The following PARP4 variants were observed in gnomAD, a reference collection of about 807,000 sequenced individuals.
PARP4 encodes the protein protein mono-ADP-ribosyltransferase PARP4.
In PARP4, 120 loss-of-function variants were observed where a neutral mutation model predicts 187.7. The observed-to-expected ratio is 0.64, with a 90% CI of 0.55 to 0.74. The LOEUF is 0.74. Ranked by LOEUF, PARP4 falls within the 30% of genes least tolerant of loss-of-function variation. The pLI, the probability that PARP4 is intolerant of heterozygous loss-of-function variation, is 0.00. For missense variants in PARP4, 1,836 were observed against 2,070.5 expected (o/e 0.89, Z 2.20); for synonymous variants, 654 against 740.9 (o/e 0.88, Z 1.90).
At chr13:24,468,242 C>G (rs929906469) in intron 17 of PARP4, among the ~76,000 whole-genome samples, 5 of 152,156 alleles carry the variant, frequency 3.3e-5, no homozygotes, top group Non-Finnish European at 7.3e-5. Flanking sequence ...CAGCTATTCC[C>G]TCTTCCACAC....
intron 10 of PARP4, among the ~76,000 whole-genome samples, chr13:24,488,192 C>T (rs9581072): frequency 0.016 from 2,482 of 152,154 alleles, 49 homozygotes; most frequent in African/African-American, 0.051. Flanking sequence ...CGGGGCTTGA[C>T]GTGGCTCTTC....
At chr13:24,439,863 G>C (rs552875064) in intron 30 of PARP4, among the ~76,000 whole-genome samples, 108 of 152,134 alleles carry the variant, frequency 7.1e-4, no homozygotes, top group Non-Finnish European at 1.3e-3. Context: ...TTAGCCCCTC[G>C]CTTTCCTTCA....
Position 24,426,722 on chromosome 13 carries a change from T to C in PARP4, c.4847-124A>G, listed in dbSNP as rs2137430964. The C allele has an allele frequency of 4.9e-6, 4 of 810,198 alleles. No homozygotes were observed. In the South Asian group the frequency reaches 6.0e-5, roughly 12 times the overall value. 50.2% of individuals were successfully genotyped at this position (810,198 alleles called of 1,614,324 possible). On this transcript the variant is annotated intron_variant, in intron 32 of 33. Transcript: ENST00000381989. ...GGCTAACACAATGAAACTCCATCTC[T>C]GCTAAAAAAAAAAATACAAAAAATT... is the stretch of plus-strand genomic sequence containing the variant.
chr13:24,478,390 T>G, intron 12 of PARP4, 114 bp from the exon 13 acceptor site: 1 of 586,494 alleles, frequency 1.7e-6, no homozygotes, highest in Non-Finnish European at 2.8e-6. Context: ...TATTGAAATA[T>G]CTCCAAAGAC....
At chr13:24,498,054 C>G in intron 6 of PARP4, 62 bp downstream of exon 6, 2 of 1,168,076 alleles carry the variant, frequency 1.7e-6, no homozygotes, top group Non-Finnish European at 2.5e-6. Context: ...TCGGCTGATT[C>G]ATTGAAATGA....
chr13:24,473,801 T>C (rs1180923610), intron 15 of PARP4, among the ~76,000 whole-genome samples: 1 of 152,044 alleles, frequency 6.6e-6, no homozygotes, highest in East Asian at 1.9e-4. Context: ...AGGGCTGGGT[T>C]GTTATTCATG....
Position 24,452,595 on chromosome 13 carries a change from T to C in PARP4, c.2827-2A>G, listed in dbSNP as rs1434368124. 6.2e-7 allele frequency: 1 copy of C among 1,608,828 alleles called. No homozygotes were observed. On this transcript the variant is annotated splice_acceptor_variant, in intron 23 of 33. Coordinates refer to ENST00000381989, the MANE Select transcript of PARP4 (RefSeq NM_006437.4). LOFTEE classifies it high-confidence loss of function. ...GTTCCCCATGGTAGGTGTGGCAGACTGGAGGAAATGAAGTGAAAGATTATG... is the reference window on the plus strand; with the variant it reads ...GTTCCCCATGGTAGGTGTGGCAGACCGGAGGAAATGAAGTGAAAGATTATG...
At chr13:24,509,259 C>T (rs1046790376) in intron 1 of PARP4, among the ~76,000 whole-genome samples, 6 of 152,204 alleles carry the variant, frequency 3.9e-5, no homozygotes, top group Non-Finnish European at 7.3e-5. Flanking sequence ...GTAACCCTAG[C>T]ACTTTGGGAG....
At position 24,449,717 on chromosome 13, in the gene PARP4, C is replaced by T. The variant is rs751970695; in HGVS notation, c.3114+1G>A. The T allele has an allele frequency of 1.3e-6, 2 of 1,497,572 alleles. No individual in the cohort carries two copies. Among genetic ancestry groups the T allele is most frequent in the Non-Finnish European group, 1.9e-6 (2 of 1,077,526 alleles). 92.8% of individuals were successfully genotyped at this position (1,497,572 alleles called of 1,614,324 possible). A position where few individuals can be genotyped will look rare whatever the true frequency, so the allele number is the denominator to read the frequency against. ...TAAAACCAGATGTTTAAAAAACATA[C>T]CTGTTTTCTCCAACTATGCTTGGAT... On this transcript the variant is annotated splice_donor_variant, in intron 25 of 33. Coordinates refer to ENST00000381989, the MANE Select transcript of PARP4 (RefSeq NM_006437.4). LOFTEE classifies it high-confidence loss of function.
At chr13:24,468,120 A>C (rs373959566) in intron 17 of PARP4, among the ~76,000 whole-genome samples, 24 of 152,198 alleles carry the variant, frequency 1.6e-4, no homozygotes, top group African/African-American at 3.9e-4. Context: ...CATCTGCAAG[A>C]ATAACTAAAA....
chr13:24,471,592 A>G (rs1415306988), intron 15 of PARP4, among the ~76,000 whole-genome samples: 5 of 152,168 alleles, frequency 3.3e-5, no homozygotes, highest in African/African-American at 7.2e-5. Flanking sequence ...CCATGCACAT[A>G]TAAGAATCTA....
Position 24,455,075 on chromosome 13 carries a change from C to T in PARP4, c.2700G>A (p.Leu900=). The part of the protein sequence containing the change: ...VTFLQAKQIA[L]HALSLVGEKQ... ...TCTCACCCACCAAGGACAGCGCATG[C>T]AAGGCGATTTGCTTGGCTTGCAAGA... The change falls in exon 22 of 34, where the codon TTG becomes TTA. Residue 900 remains leucine, a synonymous_variant. Transcript: ENST00000381989. The T allele has an allele frequency of 1.2e-6, 2 of 1,613,192 alleles. No individual in the cohort carries two copies. The highest frequency in any genetic ancestry group is 1.7e-6 in the Non-Finnish European group (2 of 1,179,302).
At chr13:24,482,275 T>G (rs1392892188) in intron 12 of PARP4, among the ~76,000 whole-genome samples, 2 of 152,258 alleles carry the variant, frequency 1.3e-5, no homozygotes, top group Non-Finnish European at 2.9e-5. Context: ...GAAGATGTTG[T>G]GAACACTGTT....
intron 12 of PARP4, among the ~76,000 whole-genome samples, chr13:24,483,819 G>A (rs528080452): frequency 4.6e-5 from 7 of 152,146 alleles, no homozygotes; most frequent in African/African-American, 1.7e-4. Context: ...TAGAGATGGG[G>A]TTTCGCCACA....
chr13:24,461,360 G>A (rs1481859693), intron 17 of PARP4, among the ~76,000 whole-genome samples: 1 of 152,150 alleles, frequency 6.6e-6, no homozygotes, highest in African/African-American at 2.4e-5. Context: ...TAATAGAGTG[G>A]GATTGCAGTT....
rs773799021 is a variant in PARP4, at chr13:24,452,443, T to C, written c.2977A>G (p.Ser993Gly). The change falls in exon 24 of 34, where the codon AGC (serine) becomes GGC (glycine). Residue 993 changes from serine to glycine, a missense_variant. Around this residue, in one of 8 missense-constraint regions of PARP4, gnomAD observed 1,147 missense variants for 1,214.2 expected, o/e 0.94. Transcript: ENST00000381989. ...ESLTLQLVKR[S>G]RPHTRLFACG... is the part of the protein sequence containing the mutation. ...GCGAATAACCTGGTGTGCGGGCGGC[T>C]CCTCTTCACGAGCTGTAATGTCAGG... 6.2e-7 allele frequency: 1 copy of C among 1,613,946 alleles called. No individual in the cohort carries two copies.
At chr13:24,506,643 T>A in intron 1 of PARP4, among the ~76,000 whole-genome samples, 1 of 152,156 alleles carries the variant, frequency 6.6e-6, no homozygotes, top group Non-Finnish European at 1.5e-5. Flanking sequence ...TGTTGATTGG[T>A]GTGTTTACAA....
intron 1 of PARP4, among the ~76,000 whole-genome samples, chr13:24,508,585 C>T (rs891445027): frequency 3.3e-5 from 5 of 152,204 alleles, no homozygotes; most frequent in African/African-American, 1.2e-4. Flanking sequence ...GAGACCTCGG[C>T]TCACGGCACC....
chr13:24,460,493 T>TGGGTTCTGCTGCAC (rs1872165269), intron 17 of PARP4, among the ~76,000 whole-genome samples: 1 of 113,452 alleles, frequency 8.8e-6, no homozygotes, highest in Non-Finnish European at 1.8e-5. Context: ...CTCTGCTGCA[T>TGGGTTCTGCTGCAC]GGGTGGGCTC....
Sources: allele counts gnomAD v4.1 joint callset (sites outside exome capture counted in the v4.1 genomes callset), GRCh38; gene constraint gnomAD v4.1.1; regional missense constraint gnomAD v4.1.1; transcripts MANE v1.5; gene names NCBI Gene and HGNC (gene_info 2026-07-23, HGNC 2026-07-21).